Variants in SCN11A observed in about 807,000 individuals in gnomAD.
The protein encoded by SCN11A is sodium channel protein type 11 subunit alpha.
SCN11A carries 122 observed loss-of-function variants against 162.2 expected under a neutral mutation model. That is an observed-to-expected ratio of 0.75 (90% confidence interval 0.65 to 0.87). The LOEUF is 0.87. Among genes scored for constraint, SCN11A ranks in the 40% least tolerant of loss-of-function variants. The probability of loss-of-function intolerance (pLI) is 0.00; values close to 1 mark genes in which losing one functional copy is unlikely to be tolerated. For synonymous variants in SCN11A, 758 were observed against 751.5 expected, an observed-to-expected ratio of 1.01 and a Z score of -0.14; for missense variants, 2,015 against 2,181.6, an observed-to-expected ratio of 0.92 and a Z score of 1.52.
chr3:38,856,909 T>C (rs1283107952), intron 28 of SCN11A, among the ~76,000 whole-genome samples: 2 of 152,130 alleles, frequency 1.3e-5, no homozygotes, highest in Non-Finnish European at 2.9e-5. Context: ...ACAGAGTCTT[T>C]ACTCCTACAA....
chr3:38,972,365 G>A (rs570746142), intron 2 of SCN11A, among the ~76,000 whole-genome samples: 1 of 152,234 alleles, frequency 6.6e-6, no homozygotes, highest in South Asian at 2.1e-4. Flanking sequence ...TCCCCTAGCA[G>A]GCTTGGGTCA....
intron 6 of SCN11A, among the ~76,000 whole-genome samples, chr3:38,946,444 T>C (rs1295729834): frequency 6.6e-6 from 1 of 152,220 alleles, no homozygotes; most frequent in Non-Finnish European, 1.5e-5. Context: ...AGGTTGCCAG[T>C]TTACAACTCT....
intron 1 of SCN11A, among the ~76,000 whole-genome samples, chr3:39,035,727 C>T (rs1559581452): frequency 6.6e-6 from 1 of 152,048 alleles, no homozygotes; most frequent in Non-Finnish European, 1.5e-5. Context: ...GCAAGCTCCG[C>T]CTCCCGGGTT....
rs149407809 is a variant in SCN11A at position 38,926,746 on chromosome 3, G to A, written c.617+57C>T. 131 of 1,564,126 alleles carry A rather than the reference G, an allele frequency of 8.4e-5. 1 individual carries two copies. The Middle Eastern group carries it at 1.9e-3, about 22-fold the overall frequency. ...GGATCCACACAGAGCTCTGATGGAA[G>A]CAAAGGGGCTTCTTTCCCACTCCAA... On this transcript the variant is annotated intron_variant, in intron 8 of 29. Transcript: ENST00000302328.
chr3:38,890,783 C>A (rs1463679878), intron 19 of SCN11A, among the ~76,000 whole-genome samples: 1 of 152,214 alleles, frequency 6.6e-6, no homozygotes, highest in East Asian at 1.9e-4. Context: ...TGACCGTGTG[C>A]ACATCCAAGG....
At position 38,850,655 on chromosome 3, in the gene SCN11A, C is replaced by A; in HGVS notation, c.4153G>T (p.Ala1385Ser). 6.2e-7 allele frequency: 1 copy of A among 1,613,652 alleles called. No individual in the cohort carries two copies. The highest frequency in any genetic ancestry group is 8.5e-7 in the Non-Finnish European group (1 of 1,179,660). ...LIILNMISMM[A>S]ESYNQPKAMK... The stretch of plus-strand genomic sequence containing the variant: ...GCTTTGGGTTGGTTGTATGATTCAG[C>A]CATCATGCTAATCATGTTTAGGATA... Residue 1385 changes from alanine (A) to serine (S), a missense_variant, in exon 29 of 30, where the codon GCT becomes TCT. Ala to Ser is a moderately conservative substitution (Grantham distance 99). Coordinates refer to ENST00000302328, the MANE Select transcript of SCN11A (RefSeq NM_001349253.2).
intron 7 of SCN11A, among the ~76,000 whole-genome samples, chr3:38,940,055 TAC>T (rs896279825): frequency 1.0e-5 from 1 of 98,664 alleles, no homozygotes; most frequent in African/African-American, 2.8e-5. Context: ...CTGATGTACA[TAC>T]ATATATATAT....
chr3:39,050,906 C>T (rs1490449629), intron 1 of SCN11A, among the ~76,000 whole-genome samples: 1 of 152,184 alleles, frequency 6.6e-6, no homozygotes, highest in African/African-American at 2.4e-5. Context: ...CTAGCAGATA[C>T]ATCATATGCT....
At chr3:38,886,931 C>G (rs2065410066) in intron 19 of SCN11A, among the ~76,000 whole-genome samples, 1 of 152,004 alleles carries the variant, frequency 6.6e-6, no homozygotes, top group African/African-American at 2.4e-5. Flanking sequence ...TCTTCTTTTC[C>G]TCTTCCTCTT....
rs149727295 is a variant in SCN11A, at chr3:38,928,820, C to T, written c.489-1889G>A. Among the ~76,000 whole-genome samples, 1,021 of 152,212 alleles carry T rather than the reference C, an allele frequency of 6.7e-3. 7 individuals are homozygous for T. The highest frequency in any genetic ancestry group is 9.7e-3 in the Admixed American group (148 of 15,282). On this transcript the variant is annotated intron_variant, in intron 7 of 29. Coordinates refer to ENST00000302328, the MANE Select transcript of SCN11A (RefSeq NM_001349253.2). Reference sequence around the variant, plus strand: ...ATGAAGATGTGAAGAAATGGGAACACTTGTGCACTGTTGATGAGATTGTAA... The same window carrying T: ...ATGAAGATGTGAAGAAATGGGAACATTTGTGCACTGTTGATGAGATTGTAA...
intron 2 of SCN11A, among the ~76,000 whole-genome samples, chr3:39,006,223 G>T (rs952162190): frequency 3.3e-5 from 5 of 152,022 alleles, no homozygotes; most frequent in Admixed American, 3.3e-4. Context: ...GTCCACACAT[G>T]GCCTTTGCTT....
intron 9 of SCN11A, among the ~76,000 whole-genome samples, chr3:38,924,869 A>G (rs1191479083): frequency 6.6e-6 from 1 of 151,660 alleles, no homozygotes; most frequent in Non-Finnish European, 1.5e-5. Context: ...TTCCAGTCCC[A>G]TCCTCATCCT....
At chr3:38,998,948 C>T (rs974416466) in intron 2 of SCN11A, among the ~76,000 whole-genome samples, 11 of 151,528 alleles carry the variant, frequency 7.3e-5, no homozygotes, top group African/African-American at 2.4e-4. Context: ...AGGAGATATA[C>T]CTAATGTTAA....
intron 9 of SCN11A, among the ~76,000 whole-genome samples, chr3:38,924,928 C>G (rs745634345): frequency 4.7e-5 from 7 of 150,536 alleles, no homozygotes; most frequent in East Asian, 1.9e-4. Context: ...TCAGAATACT[C>G]TTTCCCATAT....
chr3:38,914,125 G>A (rs1175194782), intron 11 of SCN11A, among the ~76,000 whole-genome samples: 1 of 152,126 alleles, frequency 6.6e-6, no homozygotes, highest in East Asian at 1.9e-4. Context: ...CTATCCATGA[G>A]CATGAGATGT....
At chr3:39,012,464 T>C (rs1010550315) in intron 2 of SCN11A, among the ~76,000 whole-genome samples, 3 of 147,556 alleles carry the variant, frequency 2.0e-5, no homozygotes, top group African/African-American at 8.0e-5. Context: ...CTTTCTTTCT[T>C]TCTCTCTCTC....
In SCN11A at chr3:38,847,178, T is replaced by C. The variant is rs763917928; in HGVS notation, c.4892A>G (p.Glu1631Gly). The C allele has an allele frequency of 6.2e-7, 1 of 1,614,180 alleles. No homozygotes were observed. The highest frequency in any genetic ancestry group is 8.5e-7 in the Non-Finnish European group (1 of 1,180,016). Residue 1631 changes from glutamate (E) to glycine (G), a missense_variant, in exon 30 of 30, where the codon GAA (glutamate) becomes GGA (glycine). Coordinates refer to ENST00000302328, the MANE Select transcript of SCN11A (RefSeq NM_001349253.2). ...TTGTGTTGCTTCTGGGTCAAACTTT[T>C]CCCACACTTCATAAAATATGTCAAA... ...DDFDIFYEVW[E>G]KFDPEATQFI...
chr3:38,884,439 A>G (rs934591377), intron 21 of SCN11A, among the ~76,000 whole-genome samples: 5 of 152,224 alleles, frequency 3.3e-5, no homozygotes, highest in Non-Finnish European at 7.3e-5. Context: ...TTGCTTCTGG[A>G]CCCAATTTAA....
chr3:38,984,653 G>A (rs1471161961), intron 2 of SCN11A, among the ~76,000 whole-genome samples: 2 of 152,128 alleles, frequency 1.3e-5, no homozygotes, highest in African/African-American at 4.8e-5. Context: ...TGGGATTACA[G>A]GTACCTGCCA....
Sources: gnomAD v4.1 joint callset for allele counts (sites outside exome capture counted in the v4.1 genomes callset) on GRCh38, gnomAD v4.1.1 for gene constraint, MANE v1.5 for transcripts, NCBI Gene and HGNC (gene_info 2026-07-23, HGNC 2026-07-21) for gene names.